TMCO4: variants seen among roughly 807,000 people sequenced by gnomAD.
The protein encoded by TMCO4 is transmembrane and coiled-coil domain-containing protein 4.
Under a neutral mutation model 64.7 loss-of-function variants are expected in TMCO4, and 58 were observed. That is an observed-to-expected ratio of 0.90 (90% CI 0.73 to 1.12). The LOEUF is 1.12. Among genes scored for constraint, TMCO4 ranks in the 50% most tolerant of loss-of-function variants. TMCO4 has a pLI of 0.00. For missense variants in TMCO4, 780 were observed against 825.9 expected (o/e 0.94, Z 0.68); for synonymous variants, 325 against 346.1 (o/e 0.94, Z 0.68).
At chr1:19,690,117 T>C (rs1035607232) in intron 15 of TMCO4, among the ~76,000 whole-genome samples, 1 of 152,138 alleles carries the variant, frequency 6.6e-6, no homozygotes, top group African/African-American at 2.4e-5. Context: ...CATCCACTCA[T>C]CCCCTCTCTG....
intron 13 of TMCO4, among the ~76,000 whole-genome samples, chr1:19,715,764 C>T (rs1026013345): frequency 6.6e-6 from 1 of 152,190 alleles, no homozygotes; most frequent in African/African-American, 2.4e-5. Flanking sequence ...TGAAAGTGTG[C>T]ACACCAGAGA....
At chr1:19,764,586 G>A (rs570649280) in intron 6 of TMCO4, among the ~76,000 whole-genome samples, 36 of 152,314 alleles carry the variant, frequency 2.4e-4, no homozygotes, top group African/African-American at 7.2e-4. Context: ...TGGGCTGGGC[G>A]TGGTGGTGGC....
chr1:19,739,828 T>G lies in TMCO4; in HGVS notation c.1175A>C (p.Gln392Pro), dbSNP rs199714913. Residue 392 changes from glutamine to proline, a missense_variant, in exon 12 of 16, where the codon CAG becomes CCG. Physicochemically the swap from Gln to Pro is moderately conservative, Grantham distance 76. Coordinates refer to ENST00000294543, the MANE Select transcript of TMCO4 (RefSeq NM_181719.7). ...CACACAGCCATTCCCAGGTACCTGC[T>G]GCCGGGAGAGCAGGATGTGGGCCAG... ...KHLAHILLSR[Q>P]QGRRPVTLIG... 99 of 1,613,190 alleles carry G rather than the reference T, an allele frequency of 6.1e-5. No homozygotes were observed. In the East Asian group the frequency reaches 2.0e-3, roughly 33 times the overall value.
chr1:19,744,003 A>T (rs2041652102), intron 10 of TMCO4, among the ~76,000 whole-genome samples: 1 of 152,222 alleles, frequency 6.6e-6, no homozygotes, highest in Non-Finnish European at 1.5e-5. Flanking sequence ...CGGCGGTCAC[A>T]CACCAATAAG....
chr1:19,789,254 T>G (rs1342267730), intron 2 of TMCO4, among the ~76,000 whole-genome samples: 1 of 151,090 alleles, frequency 6.6e-6, no homozygotes, highest in Non-Finnish European at 1.5e-5. Context: ...ATACGAAAAT[T>G]AGCTGGTTGT....
intron 6 of TMCO4, among the ~76,000 whole-genome samples, chr1:19,756,470 T>C (rs947899688): frequency 6.6e-5 from 10 of 152,138 alleles, no homozygotes; most frequent in Non-Finnish European, 2.9e-5. Flanking sequence ...TTTCTGGAAT[T>C]GTAATCTTAA....
chr1:19,749,069 T>C (rs1052977242), intron 7 of TMCO4, among the ~76,000 whole-genome samples: 1 of 152,200 alleles, frequency 6.6e-6, no homozygotes, highest in Non-Finnish European at 1.5e-5. Context: ...TTTCCACAAC[T>C]GAAATTCATG....
In TMCO4 at chr1:19,732,133, C is replaced by A. The variant is rs1178252041; in HGVS notation, c.1264+5239G>T. Among the ~76,000 whole-genome samples the A allele has an allele frequency of 6.6e-6, 1 of 152,124 alleles. No homozygotes were observed. The highest frequency in any genetic ancestry group is 1.5e-5 in the Non-Finnish European group (1 of 68,026). On this transcript the variant is annotated intron_variant, in intron 13 of 15. Coordinates refer to ENST00000294543, the MANE Select transcript of TMCO4 (RefSeq NM_181719.7). The surrounding 1 kb of genome is among the most constrained non-coding windows in gnomAD (Gnocchi z 4.8). ...CTGGCTACATGTCTGTGAATGTGCGCACACCTGCTGCTCACATTTGGAATA... is the reference window on the plus strand; with the variant it reads ...CTGGCTACATGTCTGTGAATGTGCGAACACCTGCTGCTCACATTTGGAATA...
At chr1:19,752,062 T>C (rs550366740) in intron 7 of TMCO4, among the ~76,000 whole-genome samples, 2 of 147,076 alleles carry the variant, frequency 1.4e-5, no homozygotes, top group Non-Finnish European at 3.0e-5. Context: ...AAAAAAAAAA[T>C]TTTTTTTTTG....
intron 15 of TMCO4, among the ~76,000 whole-genome samples, chr1:19,688,838 C>A (rs189226797): frequency 6.6e-5 from 10 of 152,304 alleles, no homozygotes; most frequent in Non-Finnish European, 1.3e-4. Flanking sequence ...TTGTGCCAAG[C>A]CTTTTGCTAA....
chr1:19,764,410 C>T (rs1429726410), intron 6 of TMCO4, among the ~76,000 whole-genome samples: 1 of 152,236 alleles, frequency 6.6e-6, no homozygotes, highest in African/African-American at 2.4e-5. Flanking sequence ...GCACTTAGCT[C>T]AGAGCCAGGC....
At chr1:19,785,693 A>G (rs1158739154) in intron 3 of TMCO4, among the ~76,000 whole-genome samples, 1 of 152,246 alleles carries the variant, frequency 6.6e-6, no homozygotes, top group Non-Finnish European at 1.5e-5. Context: ...AATAAGCAGT[A>G]GAACCGAGAC....
At chr1:19,747,299 C>G in intron 7 of TMCO4, 39 bp from the exon 8 acceptor site, 1 of 1,574,332 alleles carries the variant, frequency 6.4e-7, no homozygotes, top group Non-Finnish European at 8.7e-7. Context: ...CCAGCTGTGC[C>G]CAGGATCCCT....
At chr1:19,746,244 C>A (rs2041775028) in intron 9 of TMCO4, among the ~76,000 whole-genome samples, 1 of 152,184 alleles carries the variant, frequency 6.6e-6, no homozygotes, top group Admixed American at 6.5e-5. Context: ...GAACTACACA[C>A]AAGGTGCATG....
intron 13 of TMCO4, among the ~76,000 whole-genome samples, chr1:19,716,205 G>A (rs2095355471): frequency 7.4e-6 from 1 of 135,428 alleles, no homozygotes; most frequent in South Asian, 2.3e-4. Flanking sequence ...ATTTTTTTGA[G>A]ATGGAGTCTC....
chr1:19,759,015 T>C (rs1165673354), intron 6 of TMCO4, among the ~76,000 whole-genome samples: 2 of 149,634 alleles, frequency 1.3e-5, no homozygotes, highest in East Asian at 2.0e-4. Flanking sequence ...GGCAGGAGAA[T>C]TGCTTGAACC....
chr1:19,701,901 G>A (rs1203737526), intron 13 of TMCO4, among the ~76,000 whole-genome samples: 2 of 152,054 alleles, frequency 1.3e-5, no homozygotes, highest in African/African-American at 2.4e-5. Context: ...TTGGGAAGCC[G>A]AGGCATAAGG....
In TMCO4 at chr1:19,780,623, A is replaced by G. The variant is rs1379546376; in HGVS notation, c.136T>C (p.Cys46Arg). The change falls in exon 4 of 16, where the codon TGT (cysteine) becomes CGT (arginine). Residue 46 changes from cysteine to arginine, a missense_variant. Coordinates refer to ENST00000294543, the MANE Select transcript of TMCO4 (RefSeq NM_181719.7). ...EANRFAYAAL[C>R]GISLSQLFPE... ...AATAACTGGGACAGGGAGATGCCACAGAGGGCAGCATAGGCGAAGCGGTTG... is the reference window on the plus strand; with the variant it reads ...AATAACTGGGACAGGGAGATGCCACGGAGGGCAGCATAGGCGAAGCGGTTG... 6.2e-6 allele frequency: 10 copies of G among 1,613,272 alleles called. No individual in the cohort carries two copies. Among genetic ancestry groups the G allele is most frequent in the Non-Finnish European group, 8.5e-6 (10 of 1,179,738 alleles).
chr1:19,721,998 A>T (rs1385753574), intron 13 of TMCO4, among the ~76,000 whole-genome samples: 1 of 152,168 alleles, frequency 6.6e-6, no homozygotes, highest in East Asian at 1.9e-4. Context: ...GCAGGGCTTG[A>T]TGTTTCACAA....
Sources: gnomAD v4.1 joint callset for allele counts (sites outside exome capture counted in the v4.1 genomes callset) on GRCh38, gnomAD v4.1.1 for gene constraint, Gnocchi (gnomAD v3.1) non-coding constraint, MANE v1.5 for transcripts, NCBI Gene and HGNC (gene_info 2026-07-23, HGNC 2026-07-21) for gene names.